RANBP2: variants seen among roughly 807,000 people sequenced by gnomAD.
RANBP2 encodes the protein RAN binding protein 2.
In RANBP2, 57 loss-of-function variants were observed where a neutral mutation model predicts 303.6. That is an observed-to-expected ratio of 0.19 (90% CI 0.15 to 0.23). The LOEUF (loss-of-function observed/expected upper bound fraction) is 0.23, where lower values mean the gene tolerates loss of function less well. Among genes scored for constraint, RANBP2 ranks in the 10% least tolerant of loss-of-function variants. The pLI is 1.00. For missense variants in RANBP2, 3,138 were observed against 3,780.8 expected (o/e 0.83, Z 4.46); for synonymous variants, 1,167 against 1,301.5 (o/e 0.90, Z 2.23).
chr2:109,251,300 C>T, the RANBP2 span: 3 of 401,932 alleles, frequency 7.5e-6, no homozygotes, highest in East Asian at 6.1e-5. Flanking sequence ...AGCCACCATG[C>T]CCGGCCCAAA....
intron 8 of RANBP2, 94 bp from the exon 9 acceptor site, chr2:108,748,826 T>C: frequency 1.2e-6 from 2 of 1,609,732 alleles, no homozygotes; most frequent in Non-Finnish European, 1.7e-6. Flanking sequence ...GCAGTAATCA[T>C]GTTATTTCCC....
the RANBP2 span, among the ~76,000 whole-genome samples, chr2:108,998,613 T>C: frequency 6.6e-6 from 1 of 152,170 alleles, no homozygotes; most frequent in Admixed American, 6.5e-5. Flanking sequence ...ACCCAGCCTC[T>C]ACAGTGATTT....
At chr2:109,301,272 T>G in the RANBP2 span, among the ~76,000 whole-genome samples, 2 of 151,718 alleles carry the variant, frequency 1.3e-5, no homozygotes, top group East Asian at 3.9e-4. Flanking sequence ...GTGGCCACAC[T>G]TGCTGTGTGT....
the RANBP2 span, among the ~76,000 whole-genome samples, chr2:109,356,617 A>G: frequency 2.0e-5 from 3 of 152,254 alleles, no homozygotes; most frequent in East Asian, 3.9e-4. Flanking sequence ...AGGGCTTGGC[A>G]CTTAGGAGAT....
At chr2:109,090,504 C>T in the RANBP2 span, among the ~76,000 whole-genome samples, 1 of 152,044 alleles carries the variant, frequency 6.6e-6, no homozygotes, top group African/African-American at 2.4e-5. Flanking sequence ...GGCTGGCATC[C>T]ACCTCCTCAT....
the RANBP2 span, among the ~76,000 whole-genome samples, chr2:109,636,796 G>A: frequency 2.6e-5 from 4 of 152,020 alleles, no homozygotes; most frequent in African/African-American, 9.7e-5. Context: ...AAATTAGCCA[G>A]GCGTGTTGGT....
At chr2:109,543,200 T>C in the RANBP2 span, 1 of 152,630 alleles carries the variant, frequency 6.6e-6, no homozygotes, top group Non-Finnish European at 1.5e-5. Context: ...TTCATAGTTA[T>C]TTTCTTAAAA....
chr2:109,326,624 G>A, the RANBP2 span, among the ~76,000 whole-genome samples: 8 of 152,062 alleles, frequency 5.3e-5, no homozygotes, highest in African/African-American at 1.9e-4. Context: ...CAGGTCTTTG[G>A]GGACCATTTG....
At chr2:109,362,052 C>G in the RANBP2 span, among the ~76,000 whole-genome samples, 42,488 of 151,690 alleles carry the variant, frequency 0.28, 6,878 homozygotes, top group Non-Finnish European at 0.37. Context: ...TGATTTTTCT[C>G]TATTGTTTTC....
At chr2:109,455,498 A>T in the RANBP2 span, among the ~76,000 whole-genome samples, 4 of 150,636 alleles carry the variant, frequency 2.7e-5, no homozygotes, top group Non-Finnish European at 5.9e-5. Context: ...CCACCCATTA[A>T]ATATATGTAT....
At chr2:109,514,129 T>G in the RANBP2 span, among the ~76,000 whole-genome samples, 1 of 152,296 alleles carries the variant, frequency 6.6e-6, no homozygotes, top group African/African-American at 2.4e-5. Flanking sequence ...CAAGTGCTCT[T>G]GCAGCTCTGA....
the RANBP2 span, among the ~76,000 whole-genome samples, chr2:109,018,169 C>G: frequency 3.3e-5 from 5 of 152,156 alleles, no homozygotes; most frequent in Non-Finnish European, 7.3e-5. Flanking sequence ...TCCATGACGA[C>G]TTCAGTGAAA....
the RANBP2 span, among the ~76,000 whole-genome samples, chr2:109,707,650 G>T: frequency 1.3e-5 from 2 of 152,182 alleles, no homozygotes; most frequent in Non-Finnish European, 2.9e-5. Context: ...AGCAGGGATG[G>T]CTTTTAGGAC....
the RANBP2 span, among the ~76,000 whole-genome samples, chr2:109,561,947 A>G: frequency 6.6e-6 from 1 of 152,092 alleles, no homozygotes; most frequent in African/African-American, 2.4e-5. Flanking sequence ...TTTAGTAGAG[A>G]TGGGGTTTCA....
the RANBP2 span, chr2:109,615,006 A>C: frequency 6.5e-7 from 1 of 1,544,718 alleles, no homozygotes; most frequent in Non-Finnish European, 8.7e-7. Flanking sequence ...CCCGGGGCCC[A>C]GCGAGGACCT....
At chr2:108,879,769 T>C in the RANBP2 span, among the ~76,000 whole-genome samples, 2 of 152,108 alleles carry the variant, frequency 1.3e-5, no homozygotes, top group African/African-American at 4.8e-5. Flanking sequence ...AGAGCTCTGT[T>C]AGTTGAAGGG....
the RANBP2 span, among the ~76,000 whole-genome samples, chr2:109,038,975 T>C: frequency 6.6e-6 from 1 of 152,242 alleles, no homozygotes; most frequent in Admixed American, 6.5e-5. Flanking sequence ...GGCTATGGTA[T>C]CCAGTTGTTT....
the RANBP2 span, among the ~76,000 whole-genome samples, chr2:109,406,944 A>G: frequency 5.9e-5 from 9 of 152,282 alleles, no homozygotes; most frequent in East Asian, 1.5e-3. Flanking sequence ...CTTCCCTGCA[A>G]CTCAGCAAGT....
At chr2:109,524,464 A>AC in the RANBP2 span, among the ~76,000 whole-genome samples, 3 of 53,232 alleles carry the variant, frequency 5.6e-5, no homozygotes, top group South Asian at 1.6e-3. Flanking sequence ...AAAAAAAAAA[A>AC]AACAAAACAA....
Sources: allele counts gnomAD v4.1 joint callset (sites outside exome capture counted in the v4.1 genomes callset), GRCh38; gene constraint gnomAD v4.1.1; transcripts MANE v1.5; gene names NCBI Gene and HGNC (gene_info 2026-07-23, HGNC 2026-07-21).